ZFHX3: variants seen among roughly 807,000 people sequenced by gnomAD.
ZFHX3 encodes the protein zinc finger homeobox protein 3.
ZFHX3 carries 42 observed loss-of-function variants against 279.1 expected under a neutral mutation model. The observed-to-expected ratio is 0.15, with a 90% CI of 0.12 to 0.19. The LOEUF (loss-of-function observed/expected upper bound fraction) is 0.19. ZFHX3 is among the 10% of genes least tolerant of loss of function. The pLI, the probability that ZFHX3 is intolerant of heterozygous loss-of-function variation, is 1.00. For missense variants in ZFHX3, 4,981 were observed against 4,754.0 expected (o/e 1.05, Z -1.40); for synonymous variants, 2,293 against 1,957.8 (o/e 1.17, Z -4.52).
intron 3 of ZFHX3, among the ~76,000 whole-genome samples, chr16:72,900,570 T>C (rs1338996231): frequency 1.3e-5 from 2 of 152,224 alleles, no homozygotes; most frequent in Non-Finnish European, 2.9e-5. Context: ...TAAGTCCAGA[T>C]GTTGCTTCGT....
intron 1 of ZFHX3, among the ~76,000 whole-genome samples, chr16:73,777,259 T>G (rs977599139): frequency 7.9e-5 from 12 of 152,028 alleles, no homozygotes; most frequent in Admixed American, 6.6e-5. Context: ...ATCCCAGCAC[T>G]TTAGGAGGCC....
At chr16:73,703,946 GCTAA>G (rs1009297858) in intron 1 of ZFHX3, among the ~76,000 whole-genome samples, 36 of 152,198 alleles carry the variant, frequency 2.4e-4, no homozygotes, top group African/African-American at 8.2e-4. Context: ...TATCTGTGTG[GCTAA>G]CTCTCATCAC....
At chr16:73,506,610 G>T (rs1040409998) in intron 2 of ZFHX3, among the ~76,000 whole-genome samples, 2 of 152,140 alleles carry the variant, frequency 1.3e-5, no homozygotes, top group African/African-American at 4.8e-5. Context: ...GAACCACAGG[G>T]GTTCAGATGG....
At position 72,783,299 on chromosome 16, in the gene ZFHX3, A is replaced by C. The variant is rs932375264; in HGVS notation, c.*3865T>G. The C allele has an allele frequency of 1.3e-5, 2 of 150,976 alleles. No homozygotes were observed. Among genetic ancestry groups the C allele is most frequent in the African/African-American group, 4.9e-5 (2 of 41,000 alleles). The allele number at this position is 150,976 out of a possible 1,614,324, so 9.4% of individuals were successfully genotyped here. A position where few individuals can be genotyped will look rare whatever the true frequency, so the allele number is the denominator to read the frequency against. On this transcript the variant is annotated 3_prime_UTR_variant, in exon 10 of 10. Transcript: ENST00000268489. ...CCCAAACTTGCCCCCCTCCCCCCTG[A>C]AGAAAGTAAACAAACAAAAAACTAG... is the stretch of plus-strand genomic sequence containing the variant.
chr16:73,583,729 G>A (rs934951251), intron 2 of ZFHX3, among the ~76,000 whole-genome samples: 5 of 152,104 alleles, frequency 3.3e-5, no homozygotes, highest in African/African-American at 7.2e-5. Context: ...ATGTCCCACT[G>A]TAAATAAACT....
chr16:73,003,911 T>C (rs1963597896), intron 1 of ZFHX3, among the ~76,000 whole-genome samples: 2 of 150,536 alleles, frequency 1.3e-5, no homozygotes, highest in Admixed American at 1.3e-4. Flanking sequence ...GGTATACTAA[T>C]TTTTATACCC....
intron 4 of ZFHX3, among the ~76,000 whole-genome samples, chr16:73,311,054 G>A (rs1475240697): frequency 6.6e-6 from 1 of 151,700 alleles, no homozygotes; most frequent in African/African-American, 2.4e-5. Context: ...CCAACATGGT[G>A]AGACCCTGTC....
In ZFHX3 at chr16:73,759,099, G is replaced by A. The variant is rs150029280; in HGVS notation, c.-1607-78859C>T. 1.4e-4 allele frequency among the ~76,000 whole-genome samples: 22 copies of A among 152,318 alleles called. No individual in the cohort carries two copies. The East Asian group carries it at 3.9e-3, about 27-fold the overall frequency. On this transcript the variant is annotated intron_variant, in intron 1 of 17. Coordinates refer to the ZFHX3 transcript ENST00000641206. ...TATTTGTTATGACATAGGTGAGGAT[G>A]ATTTAACCAAGATACTAAAACTAAT...
intron 1 of ZFHX3, among the ~76,000 whole-genome samples, chr16:73,723,309 T>C (rs1479306402): frequency 1.3e-5 from 2 of 152,318 alleles, no homozygotes; most frequent in East Asian, 3.9e-4. Flanking sequence ...AAATAAGATA[T>C]TCAGAAGGTA....
chr16:72,869,264 G>C (rs915620062), intron 4 of ZFHX3, among the ~76,000 whole-genome samples: 2 of 152,176 alleles, frequency 1.3e-5, no homozygotes, highest in African/African-American at 4.8e-5. Flanking sequence ...TTTCCCTTCT[G>C]TGAGCTCTTG....
In ZFHX3 at chr16:72,976,449, G is replaced by C. The variant is rs180863459; in HGVS notation, c.-49-16255C>G. ...CATAATACTTATCCAACTACTCACT[G>C]GTTGTTCTAATGATTTTTATTCATT... is the stretch of plus-strand genomic sequence containing the variant. On this transcript the variant is annotated intron_variant, in intron 1 of 9. Transcript: ENST00000268489. 1.6e-4 allele frequency among the ~76,000 whole-genome samples: 25 copies of C among 152,290 alleles called. No individual in the cohort carries two copies. In the East Asian group the frequency reaches 4.6e-3, roughly 28 times the overall value.
At chr16:72,850,272 C>G (rs1473656160) in intron 4 of ZFHX3, among the ~76,000 whole-genome samples, 1 of 152,214 alleles carries the variant, frequency 6.6e-6, no homozygotes, top group African/African-American at 2.4e-5. Flanking sequence ...TCACTTAGCA[C>G]TTCAGACCAC....
At chr16:73,570,949 C>CAAAAAAA (rs71156173) in intron 2 of ZFHX3, among the ~76,000 whole-genome samples, 1 of 142,058 alleles carries the variant, frequency 7.0e-6, no homozygotes, top group East Asian at 2.1e-4. Context: ...CTTTTCTTCT[C>CAAAAAAA]AAAAAAAAAA....
chr16:73,603,202 G>A (rs1461961659), intron 2 of ZFHX3, among the ~76,000 whole-genome samples: 10 of 150,814 alleles, frequency 6.6e-5, no homozygotes, highest in Admixed American at 4.0e-4. Context: ...GGAGAATGGC[G>A]TGAACCCAGG....
chr16:73,450,366 C>A (rs2018262915), intron 3 of ZFHX3, among the ~76,000 whole-genome samples: 1 of 152,024 alleles, frequency 6.6e-6, no homozygotes, highest in Admixed American at 6.6e-5. Flanking sequence ...ATTTGAAAGA[C>A]TTTTTTAGGT....
In ZFHX3 at chr16:72,885,445, C is replaced by T. The variant is rs1322323250; in HGVS notation, c.3448+4286G>A. 2.0e-5 allele frequency among the ~76,000 whole-genome samples: 3 copies of T among 152,250 alleles called. No homozygotes were observed. The East Asian group carries it at 5.8e-4, about 29-fold the overall frequency. The stretch of plus-strand genomic sequence containing the variant: ...GCAATTTCTTCTACCTCGACTCCTT[C>T]CTCCAGACCCACAGGTTCACATGGG... On this transcript the variant is annotated intron_variant, in intron 4 of 9. Coordinates refer to ENST00000268489, the MANE Select transcript of ZFHX3 (RefSeq NM_006885.4).
At chr16:73,570,314 T>C (rs1317153953) in intron 2 of ZFHX3, among the ~76,000 whole-genome samples, 2 of 152,216 alleles carry the variant, frequency 1.3e-5, no homozygotes, top group African/African-American at 2.4e-5. Context: ...TCATCTGAAG[T>C]TAAATACACA....
chr16:73,676,550 G>C (rs1227893403), intron 2 of ZFHX3, among the ~76,000 whole-genome samples: 1 of 151,582 alleles, frequency 6.6e-6, no homozygotes, highest in African/African-American at 2.4e-5. Context: ...CAAAGACAGA[G>C]AACGAAAAAT....
At chr16:72,947,544 T>C (rs1447443062) in intron 3 of ZFHX3, among the ~76,000 whole-genome samples, 5 of 151,630 alleles carry the variant, frequency 3.3e-5, no homozygotes, top group Non-Finnish European at 7.4e-5. Flanking sequence ...TCCTCCAACA[T>C]GAAAAAGGAA....
Sources: allele counts gnomAD v4.1 joint callset (sites outside exome capture counted in the v4.1 genomes callset), GRCh38; gene constraint gnomAD v4.1.1; transcripts MANE v1.5; gene names NCBI Gene and HGNC (gene_info 2026-07-23, HGNC 2026-07-21).